Variants in FADS2 observed in about 807,000 individuals in gnomAD.
The protein encoded by FADS2 is acyl-CoA 6-desaturase.
A neutral mutation model predicts 61.2 loss-of-function variants in FADS2; 18 were observed. The observed-to-expected ratio is 0.29, with a 90% CI of 0.20 to 0.44. The LOEUF (loss-of-function observed/expected upper bound fraction) is 0.44, where lower values mean the gene tolerates loss of function less well. Ranked by LOEUF, FADS2 falls within the 20% of genes least tolerant of loss-of-function variation. The pLI is 1.00. For missense variants in FADS2, 322 were observed against 572.7 expected (o/e 0.56, Z 4.47); for synonymous variants, 203 against 223.9 (o/e 0.91, Z 0.83).
At chr11:61,826,287 T>C (rs778751717), upstream of FADS2, 4 of 702,582 alleles carry the variant, frequency 5.7e-6, no homozygotes, top group South Asian at 5.9e-5. Context: ...TTTCAGGACC[T>C]ACCCTGGCTG....
intron 7 of FADS2, 111 bp downstream of exon 7, chr11:61,857,641 C>G (rs989872909): frequency 1.2e-5 from 10 of 843,144 alleles, no homozygotes; most frequent in Non-Finnish European, 1.8e-5. Context: ...TGTGGGGCCC[C>G]AGGCATCTCC....
At chr11:61,849,536 C>A (rs1252017603) in intron 5 of FADS2, among the ~76,000 whole-genome samples, 1 of 151,436 alleles carries the variant, frequency 6.6e-6, no homozygotes, top group Non-Finnish European at 1.5e-5. Context: ...CTACAGTGAG[C>A]TATGATCACA....
Position 61,816,402 on chromosome 11 carries a change from A to G in FADS2, c.117A>G (p.Ala39=). The G allele has an allele frequency of 6.3e-7, 1 of 1,598,568 alleles. No homozygotes were observed. Among genetic ancestry groups the G allele is most frequent in the Non-Finnish European group, 8.5e-7 (1 of 1,179,804 alleles). ...TCCCGCCTTTTCATCCCGCATCCGC[A>G]GGACACCCAATCACCGGGCAACAGG... The change falls in exon 1 of 12, where the codon GCA becomes GCG. Residue 39 remains alanine (A), a synonymous_variant. Transcript: ENST00000257261. The surrounding 1 kb of genome is among the most constrained non-coding windows in gnomAD (Gnocchi z 7.0).
At chr11:61,836,250 G>A (rs1001212280) in intron 1 of FADS2, among the ~76,000 whole-genome samples, 3 of 151,814 alleles carry the variant, frequency 2.0e-5, no homozygotes, top group Admixed American at 6.6e-5. Flanking sequence ...GGCGTGCGCC[G>A]CTACACCTGG....
At chr11:61,835,878 G>A (rs1317242032) in intron 1 of FADS2, among the ~76,000 whole-genome samples, 1 of 152,002 alleles carries the variant, frequency 6.6e-6, no homozygotes, top group Non-Finnish European at 1.5e-5. Context: ...ACATCCCTAA[G>A]GTCTTCAACA....
intron 6 of FADS2, 66 bp from the exon 7 acceptor site, chr11:61,857,388 T>G (rs1008111425): frequency 6.9e-7 from 1 of 1,448,090 alleles, no homozygotes; most frequent in African/African-American, 1.4e-5. Flanking sequence ...GGGCCTGGGT[T>G]CCCCTGACCT....
chr11:61,828,825 A>T lies in FADS2; in HGVS notation c.207+228A>T. On this transcript the variant is annotated intron_variant, in intron 1 of 11. Coordinates refer to ENST00000278840, the MANE Select transcript of FADS2 (RefSeq NM_004265.4). The surrounding 1 kb of genome is among the most constrained non-coding windows in gnomAD (Gnocchi z 6.4). ...GACCCGGGGAGGCGGCGCTGCGGTG[A>T]AAGTCCCAGCGGTGGAGAACAGGGC... is the stretch of plus-strand genomic sequence containing the variant. 1 of 545,062 alleles carries T rather than the reference A, an allele frequency of 1.8e-6. No individual in the cohort carries two copies. The highest frequency in any genetic ancestry group is 2.1e-5 in the South Asian group (1 of 46,832). 33.8% of individuals were successfully genotyped at this position (545,062 alleles called of 1,614,324 possible).
At chr11:61,826,843 C>A (rs928534290), upstream of FADS2, among the ~76,000 whole-genome samples, 1 of 152,140 alleles carries the variant, frequency 6.6e-6, no homozygotes, top group African/African-American at 2.4e-5. Flanking sequence ...ACCACCCCTG[C>A]ATTGCTGTGA....
intron 1 of FADS2, among the ~76,000 whole-genome samples, chr11:61,821,881 A>T (rs1030979094): frequency 2.6e-5 from 4 of 151,952 alleles, no homozygotes; most frequent in Non-Finnish European, 5.9e-5. Flanking sequence ...TAGAAACAGG[A>T]CTCTCATTTT....
chr11:61,833,188 C>T (rs2067142830), intron 1 of FADS2, among the ~76,000 whole-genome samples: 1 of 152,210 alleles, frequency 6.6e-6, no homozygotes, highest in South Asian at 2.1e-4. Context: ...GCTTTCTCCA[C>T]CTGTTTACCA....
At chr11:61,836,760 C>T (rs922949177) in intron 1 of FADS2, among the ~76,000 whole-genome samples, 1 of 152,178 alleles carries the variant, frequency 6.6e-6, no homozygotes, top group African/African-American at 2.4e-5. Context: ...ATGTTTTTCC[C>T]CAGCTATATT....
chr11:61,865,630 C>A lies in FADS2; in HGVS notation c.1284-8C>A, dbSNP rs1171664789. 1 of 1,613,064 alleles carries A rather than the reference C, an allele frequency of 6.2e-7. No homozygotes were observed. Among genetic ancestry groups the A allele is most frequent in the East Asian group, 2.2e-5 (1 of 44,874 alleles). On this transcript the variant is annotated splice_region_variant and splice_polypyrimidine_tract_variant and intron_variant, in intron 11 of 11. Transcript: ENST00000278840. This position sits in a 1 kb window ranked among gnomAD's most constrained non-coding sequence, Gnocchi z 4.1. The stretch of plus-strand genomic sequence containing the variant: ...GTCCCTGACCCTGGTCCATCCCCAA[C>A]TTTGCAGGTCCCTGAAGAAGTCTGG...
intron 4 of FADS2, among the ~76,000 whole-genome samples, chr11:61,844,604 C>T (rs942933081): frequency 1.3e-5 from 2 of 150,918 alleles, no homozygotes; most frequent in Non-Finnish European, 2.9e-5. Flanking sequence ...TTGACAGAAA[C>T]CATCAAACTC....
Position 61,865,986 on chromosome 11 carries a change from C to G in FADS2, c.*297C>G. On this transcript the variant is annotated 3_prime_UTR_variant, in exon 12 of 12. Transcript: ENST00000278840. This position sits in a 1 kb window ranked among gnomAD's most constrained non-coding sequence, Gnocchi z 4.1. ...GGTGGCCACCGGGGGTGGCTCTGTC[C>G]TACCTCCACTCTCTGCCCCTAAAGA... The G allele has an allele frequency of 2.0e-6, 1 of 492,860 alleles. No homozygotes were observed. The allele number at this position is 492,860 out of a possible 1,614,324, so 30.5% of individuals were successfully genotyped here. A position where few individuals can be genotyped will look rare whatever the true frequency, so the allele number is the denominator to read the frequency against.
At chr11:61,856,920 A>G (rs1239521324) in intron 5 of FADS2, 91 bp from the exon 6 acceptor site, 7 of 1,025,602 alleles carry the variant, frequency 6.8e-6, no homozygotes, top group East Asian at 2.4e-5. Context: ...CTGAGCAGAT[A>G]GAAGGGATGG....
In FADS2 at chr11:61,840,680, C is replaced by T. The variant is rs2067211568; in HGVS notation, c.573C>T (p.Pro191=). The T allele has an allele frequency of 6.2e-7, 1 of 1,614,194 alleles. No homozygotes were observed. Among genetic ancestry groups the T allele is most frequent in the Non-Finnish European group, 8.5e-7 (1 of 1,180,032 alleles). Reference sequence around the variant, plus strand: ...GCCACCTGTCTGTCTACAGAAAACCCAAGTGGAACCACCTTGTCCACAAAT... The same window carrying T: ...GCCACCTGTCTGTCTACAGAAAACCTAAGTGGAACCACCTTGTCCACAAAT... ...DYGHLSVYRK[P]KWNHLVHKFV... The change falls in exon 4 of 12, where the codon CCC becomes CCT. Residue 191 remains proline, a synonymous_variant. Transcript: ENST00000278840.
At chr11:61,837,569 A>G (rs955270994) in intron 1 of FADS2, among the ~76,000 whole-genome samples, 1 of 152,232 alleles carries the variant, frequency 6.6e-6, no homozygotes, top group Admixed American at 6.5e-5. Flanking sequence ...CCAGCACAGA[A>G]GCCCAGGTGG....
At chr11:61,819,062 G>T (rs1030302135) in intron 1 of FADS2, among the ~76,000 whole-genome samples, 1 of 152,034 alleles carries the variant, frequency 6.6e-6, no homozygotes, top group African/African-American at 2.4e-5. Flanking sequence ...TTTTAGTAGA[G>T]TTGGGGTTTC....
chr11:61,855,578 C>T (rs1473632401), intron 5 of FADS2: 1 of 152,252 alleles, frequency 6.6e-6, no homozygotes, highest in Non-Finnish European at 1.5e-5. Context: ...CTTGCCAAGG[C>T]TCAGGAGGCC....
Sources: gnomAD v4.1 joint callset for allele counts (sites outside exome capture counted in the v4.1 genomes callset) on GRCh38, gnomAD v4.1.1 for gene constraint, Gnocchi (gnomAD v3.1) non-coding constraint, MANE v1.5 for transcripts, NCBI Gene and HGNC (gene_info 2026-07-23, HGNC 2026-07-21) for gene names.